Variants in CLCN1 observed in about 807,000 individuals in gnomAD.
CLCN1 encodes the protein chloride voltage-gated channel 1.
A neutral mutation model predicts 114.5 loss-of-function variants in CLCN1; 100 were observed. The ratio of observed to expected loss-of-function variants is 0.87; its 90% confidence interval spans 0.74 to 1.03. The LOEUF (loss-of-function observed/expected upper bound fraction) is 1.03, where lower values mean the gene tolerates loss of function less well. Ranked by LOEUF, CLCN1 falls within the 50% of genes least tolerant of loss-of-function variation. The pLI is 0.00. For synonymous variants in CLCN1, 485 were observed against 487.1 expected (o/e 1.00, Z 0.06); for missense variants, 1,188 against 1,250.0 (o/e 0.95, Z 0.75).
Position 143,339,265 on chromosome 7 carries a change from A to G in CLCN1, c.1414A>G (p.Ile472Val), listed in dbSNP as rs767231116. The G allele has an allele frequency of 5.0e-5, 80 of 1,611,216 alleles. 1 individual carries two copies. The highest frequency in any genetic ancestry group is 6.7e-5 in the Non-Finnish European group (79 of 1,177,434). Residue 472 changes from isoleucine (I) to valine (V), a missense_variant, in exon 13 of 23, where the codon ATC (isoleucine) becomes GTC (valine). Transcript: ENST00000343257. The surrounding 1 kb of genome is among the most constrained non-coding windows in gnomAD (Gnocchi z 4.1). The part of the protein sequence containing the change: ...LFFVMKFWMS[I>V]VATTMPIPCG... ...CTTTCTACTCCAGTTCTGGATGTCCATCGTGGCCACCACTATGCCCATACC... is the reference window on the plus strand; with the variant it reads ...CTTTCTACTCCAGTTCTGGATGTCCGTCGTGGCCACCACTATGCCCATACC...
At chr7:143,331,385 C>A in intron 9 of CLCN1, 69 bp downstream of exon 9, 2 of 1,288,596 alleles carry the variant, frequency 1.6e-6, no homozygotes, top group Non-Finnish European at 2.3e-6. Context: ...TGGAAGGGAC[C>A]CAAGCTAGAA....
chr7:143,331,626 G>A lies in CLCN1; in HGVS notation c.1140G>A (p.Lys380=). The A allele has an allele frequency of 6.2e-7, 1 of 1,613,984 alleles. No homozygotes were observed. Among genetic ancestry groups the A allele is most frequent in the Non-Finnish European group, 8.5e-7 (1 of 1,179,842 alleles). ...TCATGCTCGGTGTCCGAAAGCACAAGGCCCTCAGCCAGTTTCTTGCTAAGC... is the reference window on the plus strand; with the variant it reads ...TCATGCTCGGTGTCCGAAAGCACAAAGCCCTCAGCCAGTTTCTTGCTAAGC... ...RQVMLGVRKH[K]ALSQFLAKHR... is the part of the protein sequence containing the mutation. The change falls in exon 10 of 23, where the codon AAG becomes AAA. Residue 380 remains lysine (K), a synonymous_variant. Transcript: ENST00000343257.
Position 143,321,437 on chromosome 7 carries a change from T to C in CLCN1, c.506T>C (p.Leu169Pro). Residue 169 changes from leucine to proline, a missense_variant, in exon 4 of 23, where the codon CTA becomes CCA. By Grantham distance (98) the Leu-to-Pro change is moderately conservative (BLOSUM62 -3). Coordinates refer to ENST00000343257, the MANE Select transcript of CLCN1 (RefSeq NM_000083.3). This position sits in a 1 kb window ranked among gnomAD's most constrained non-coding sequence, Gnocchi z 4.2. The part of the protein sequence containing the change: ...LQFLVWVTFP[L>P]VLILFSALFC... Reference sequence around the variant, plus strand: ...TTCCTGGTCTGGGTCACCTTCCCACTAGTCCTCATCCTCTTCAGCGCCCTC... The same window carrying C: ...TTCCTGGTCTGGGTCACCTTCCCACCAGTCCTCATCCTCTTCAGCGCCCTC... 6.2e-7 allele frequency: 1 copy of C among 1,614,210 alleles called. No homozygotes were observed. Among genetic ancestry groups the C allele is most frequent in the Non-Finnish European group, 8.5e-7 (1 of 1,180,028 alleles).
In CLCN1 at chr7:143,321,117, C is replaced by T. The variant is rs563491799; in HGVS notation, c.434-248C>T. On this transcript the variant is annotated intron_variant, in intron 3 of 22. Transcript: ENST00000343257. This position sits in a 1 kb window ranked among gnomAD's most constrained non-coding sequence, Gnocchi z 4.2. ...GGAAGCCCCTTGGTTCTGGGCACAC[C>T]GGGTGGTTGGTCACACCCAGGCCTC... Among the ~76,000 whole-genome samples, 3 of 152,268 alleles carry T rather than the reference C, an allele frequency of 2.0e-5. No individual in the cohort carries two copies. The highest frequency in any genetic ancestry group is 1.9e-4 in the East Asian group (1 of 5,178).
In CLCN1 at chr7:143,351,737, G is replaced by A; in HGVS notation, c.2739G>A (p.Arg913=). 1 of 1,614,176 alleles carries A rather than the reference G, an allele frequency of 6.2e-7. No individual in the cohort carries two copies. The highest frequency in any genetic ancestry group is 1.1e-5 in the South Asian group (1 of 91,082). The change falls in exon 23 of 23, where the codon AGG becomes AGA. Residue 913 remains arginine, a synonymous_variant. Transcript: ENST00000343257. ...AGAACTGGAACCTGCCTGAGGACAG[G>A]CCTGGGGCCACTGGAACAGGGGATG... ...SAENWNLPED[R]PGATGTGDVI...
rs773044948 is a variant in CLCN1, at chr7:143,345,738, C to T, written c.2148C>T (p.Asp716=). The change falls in exon 17 of 23, where the codon GAC becomes GAT. Residue 716 remains aspartate, a synonymous_variant. Transcript: ENST00000343257. ...TCGCCTTTGTGGATGAGGATGAGGA[C>T]GAAGACCTCTCTGGCAAGAGCGAGG... ...ESFAFVDEDE[D]EDLSGKSELP... 4 of 1,595,912 alleles carry T rather than the reference C, an allele frequency of 2.5e-6. No homozygotes were observed. The highest frequency in any genetic ancestry group is 3.4e-6 in the Non-Finnish European group (4 of 1,172,230).
chr7:143,341,870 T>C lies in CLCN1; in HGVS notation c.1583-59T>C. ...GTGTTATTCCCATCCCATCCCCATA[T>C]GTCCTTCATGCTAAGAACGGTAGCC... On this transcript the variant is annotated intron_variant, in intron 14 of 22. Transcript: ENST00000343257. 3 of 1,356,014 alleles carry C rather than the reference T, an allele frequency of 2.2e-6. No homozygotes were observed. The East Asian group carries it at 6.9e-5, about 31-fold the overall frequency. The allele number at this position is 1,356,014 out of a possible 1,614,324, so 84.0% of individuals were successfully genotyped here.
At chr7:143,320,473 T>C (rs1416962348) in intron 2 of CLCN1, among the ~76,000 whole-genome samples, 191 bp from the exon 3 acceptor site, 2 of 151,664 alleles carry the variant, frequency 1.3e-5, no homozygotes, top group Non-Finnish European at 2.9e-5. Flanking sequence ...GCATAAGACA[T>C]ACGGACCCTG....
intron 7 of CLCN1, among the ~76,000 whole-genome samples, chr7:143,326,240 C>G (rs1419851942): frequency 6.6e-6 from 1 of 151,816 alleles, no homozygotes; most frequent in Non-Finnish European, 1.5e-5. Flanking sequence ...CTGCTCTCAA[C>G]CTCCTGACCT....
intron 1 of CLCN1, among the ~76,000 whole-genome samples, 159 bp from the exon 2 acceptor site, chr7:143,319,596 T>C (rs186783544): frequency 4.6e-5 from 7 of 151,962 alleles, no homozygotes; most frequent in African/African-American, 1.7e-4. Context: ...GGGTGGAGAG[T>C]AGAGGGCAGG....
At chr7:143,331,024 A>G (rs1802708795) in intron 8 of CLCN1, 127 bp downstream of exon 8, 1 of 1,378,344 alleles carries the variant, frequency 7.3e-7, no homozygotes, top group African/African-American at 1.4e-5. Context: ...GGTGGGACCA[A>G]GGCCCAAGGG....
rs1180632788 is a variant in CLCN1 at position 143,351,993 on chromosome 7, C to T, written c.*28C>T. 7 of 1,612,192 alleles carry T rather than the reference C, an allele frequency of 4.3e-6. No individual in the cohort carries two copies. Among genetic ancestry groups the T allele is most frequent in the Non-Finnish European group, 5.9e-6 (7 of 1,179,982 alleles). ...CCCTCCCACGACCTCCTCATAAAGACCGTGGAGAGGCCCAGCCTGAGGGTG... is the reference window on the plus strand; with the variant it reads ...CCCTCCCACGACCTCCTCATAAAGATCGTGGAGAGGCCCAGCCTGAGGGTG... On this transcript the variant is annotated 3_prime_UTR_variant, in exon 23 of 23. Transcript: ENST00000343257.
rs753251995 is a variant in CLCN1, at chr7:143,316,377, C to T, written c.165C>T (p.Asn55=). 3.3e-5 allele frequency: 53 copies of T among 1,612,994 alleles called. 1 individual carries two copies. The highest frequency in any genetic ancestry group is 8.9e-5 in the East Asian group (4 of 44,880). The change falls in exon 1 of 23, where the codon AAC becomes AAT. Residue 55 remains asparagine (N), a synonymous_variant. Coordinates refer to ENST00000343257, the MANE Select transcript of CLCN1 (RefSeq NM_000083.3). ...GGAAGGATGCAGGCCCCCGCCACAA[C>T]GTCCACCCCACACAGGTAAAGTGCT... ...RLRKDAGPRH[N]VHPTQIYGHH...
At chr7:143,332,971 G>A in intron 12 of CLCN1, 98 bp downstream of exon 12, 1 of 1,316,030 alleles carries the variant, frequency 7.6e-7, no homozygotes, top group Non-Finnish European at 1.1e-6. Flanking sequence ...AACTTCATTT[G>A]GTCTTCATCC....
Position 143,331,314 on chromosome 7 carries a change from C to A in CLCN1, c.1062C>A (p.Ile354=). 1 of 1,606,604 alleles carries A rather than the reference C, an allele frequency of 6.2e-7. No individual in the cohort carries two copies. The part of the protein sequence containing the change: ...DLKELPAFAA[I]GICCGLLGAV... ...AGGAACTACCAGCTTTTGCTGCCATCGGGTCAGTGGGGTTACCTGCTCTGT... is the reference window on the plus strand; with the variant it reads ...AGGAACTACCAGCTTTTGCTGCCATAGGGTCAGTGGGGTTACCTGCTCTGT... Residue 354 remains isoleucine (I), a splice_region_variant and synonymous_variant, in exon 9 of 23, where the codon ATC becomes ATA. Coordinates refer to ENST00000343257, the MANE Select transcript of CLCN1 (RefSeq NM_000083.3).
chr7:143,332,781 G>A lies in CLCN1; in HGVS notation c.1309G>A (p.Ala437Thr), dbSNP rs41276054. 19,589 of 1,614,042 alleles carry A rather than the reference G, an allele frequency of 0.012. 171 individuals carry two copies. The highest frequency in any genetic ancestry group is 0.013 in the Non-Finnish European group (15,488 of 1,179,950). Residue 437 changes from alanine to threonine, a missense_variant, in exon 12 of 23, where the codon GCG (alanine) becomes ACG (threonine). By Grantham distance (58) the Ala-to-Thr change is moderately conservative. Transcript: ENST00000343257. ...TGACAACAATACATGGGTGAAACAC[G>A]CGGGTGATCCTGAGAGCCTGGGCCA... is the stretch of plus-strand genomic sequence containing the variant. Reference protein sequence around the residue: ...LFDNNTWVKHAGDPESLGQSA... With the variant: ...LFDNNTWVKHTGDPESLGQSA...
chr7:143,331,949 C>T (rs1802735811), intron 10 of CLCN1, among the ~76,000 whole-genome samples: 1 of 152,184 alleles, frequency 6.6e-6, no homozygotes, highest in Admixed American at 6.5e-5. Flanking sequence ...ATGCCTCAGC[C>T]TCCTGAGTAG....
At chr7:143,330,717 T>C in intron 7 of CLCN1, 55 bp from the exon 8 acceptor site, 1 of 1,612,460 alleles carries the variant, frequency 6.2e-7, no homozygotes, top group Non-Finnish European at 8.5e-7. Context: ...GTGGGGAGTG[T>C]GGGGGAGCAC....
intron 20 of CLCN1, among the ~76,000 whole-genome samples, chr7:143,349,227 C>G (rs1586519917): frequency 6.6e-6 from 1 of 152,198 alleles, no homozygotes; most frequent in Non-Finnish European, 1.5e-5. Context: ...TACAACACAC[C>G]TGCTAAGTGG....
Sources: allele counts gnomAD v4.1 joint callset (sites outside exome capture counted in the v4.1 genomes callset), GRCh38; gene constraint gnomAD v4.1.1; non-coding constraint Gnocchi (gnomAD v3.1); transcripts MANE v1.5; gene names NCBI Gene and HGNC (gene_info 2026-07-23, HGNC 2026-07-21).